EFNA5: variants seen among roughly 807,000 people sequenced by gnomAD.
The protein encoded by EFNA5 is ephrin A5.
In EFNA5, 5 loss-of-function variants were observed where a neutral mutation model predicts 22.9. The observed-to-expected ratio is 0.22, with a 90% CI of 0.11 to 0.46. EFNA5 has a LOEUF of 0.46. Ranked by LOEUF, EFNA5 falls within the 20% of genes least tolerant of loss-of-function variation. The pLI is 0.99. For missense variants in EFNA5, 237 were observed against 293.3 expected (o/e 0.81, Z 1.40); for synonymous variants, 113 against 112.2 (o/e 1.01, Z -0.04).
chr5:107,382,239 G>A (rs2112483134), intron 4 of EFNA5, among the ~76,000 whole-genome samples: 1 of 152,290 alleles, frequency 6.6e-6, no homozygotes, highest in South Asian at 2.1e-4. Flanking sequence ...ACTTCCAAAT[G>A]GGAACTCTGA....
intron 1 of EFNA5, among the ~76,000 whole-genome samples, chr5:107,556,991 T>C (rs1748435475): frequency 6.6e-6 from 1 of 151,944 alleles, no homozygotes; most frequent in African/African-American, 2.4e-5. Context: ...TGACCCGGTA[T>C]GTGGCAGACT....
intron 1 of EFNA5, among the ~76,000 whole-genome samples, chr5:107,581,814 A>G (rs756720830): frequency 5.9e-5 from 9 of 152,226 alleles, no homozygotes; most frequent in Non-Finnish European, 1.2e-4. Context: ...GCTGTCCTGA[A>G]GCCTCATGAG....
At chr5:107,620,297 T>C (rs1358720875) in intron 1 of EFNA5, among the ~76,000 whole-genome samples, 3 of 152,218 alleles carry the variant, frequency 2.0e-5, no homozygotes, top group African/African-American at 7.2e-5. Context: ...CACCACCAAT[T>C]CAGCAGCAAT....
intron 1 of EFNA5, among the ~76,000 whole-genome samples, chr5:107,440,176 A>G (rs931445338): frequency 1.3e-5 from 2 of 152,192 alleles, no homozygotes; most frequent in African/African-American, 4.8e-5. Context: ...AAAAAATGAG[A>G]AACTAATTGC....
intron 2 of EFNA5, 40 bp downstream of exon 2, chr5:107,427,177 T>C: frequency 6.2e-7 from 1 of 1,611,602 alleles, no homozygotes; most frequent in Non-Finnish European, 8.5e-7. Flanking sequence ...TCTGGGTTCT[T>C]GCAGCTGCCC....
intron 1 of EFNA5, among the ~76,000 whole-genome samples, chr5:107,618,782 G>T (rs1300649441): frequency 6.6e-6 from 1 of 152,174 alleles, no homozygotes; most frequent in African/African-American, 2.4e-5. Flanking sequence ...CACAACTTGG[G>T]AAAGTGTCCA....
chr5:107,552,560 C>A (rs1580526659), intron 1 of EFNA5, among the ~76,000 whole-genome samples: 1 of 152,172 alleles, frequency 6.6e-6, no homozygotes, highest in Non-Finnish European at 1.5e-5. Context: ...CATTAGTGAA[C>A]AACATCTGGT....
In EFNA5 at chr5:107,628,290, C is replaced by T. The variant is rs532626442; in HGVS notation, c.125+42199G>A. 2.6e-5 allele frequency among the ~76,000 whole-genome samples: 4 copies of T among 152,250 alleles called. No individual in the cohort carries two copies. The South Asian group carries it at 6.2e-4, about 24-fold the overall frequency. On this transcript the variant is annotated intron_variant, in intron 1 of 4. Coordinates refer to ENST00000333274, the MANE Select transcript of EFNA5 (RefSeq NM_001962.3). ...TAAGAAGTCTCATATGAATCAAATG[C>T]TCTATATTACCAGCACCTGGAGAAC...
intron 1 of EFNA5, among the ~76,000 whole-genome samples, chr5:107,521,456 CTA>C (rs56039409): frequency 0.47 from 58,235 of 123,880 alleles, 14,722 homozygotes; most frequent in East Asian, 0.74. Flanking sequence ...CCACACCTGG[CTA>C]TATATATATA....
intron 1 of EFNA5, among the ~76,000 whole-genome samples, chr5:107,489,197 G>A (rs1746730263): frequency 6.6e-6 from 1 of 151,288 alleles, no homozygotes; most frequent in Non-Finnish European, 1.5e-5. Context: ...TTATTTAGAT[G>A]GAGTCTTGCT....
chr5:107,419,399 G>T (rs920293915), intron 2 of EFNA5, among the ~76,000 whole-genome samples: 1 of 152,102 alleles, frequency 6.6e-6, no homozygotes, highest in African/African-American at 2.4e-5. Flanking sequence ...AGTATACAAA[G>T]CGAATAGAAG....
chr5:107,532,152 G>A (rs1213892159), intron 1 of EFNA5, among the ~76,000 whole-genome samples: 1 of 152,194 alleles, frequency 6.6e-6, no homozygotes, highest in Non-Finnish European at 1.5e-5. Context: ...GGATGACTGG[G>A]GAGATGGGCA....
At chr5:107,558,276 GTTGT>G (rs1748466978) in intron 1 of EFNA5, among the ~76,000 whole-genome samples, 1 of 150,784 alleles carries the variant, frequency 6.6e-6, no homozygotes, top group African/African-American at 2.4e-5. Context: ...TTTTTTTTTT[GTTGT>G]TTATTTTTTG....
chr5:107,445,311 C>T (rs910128722), intron 1 of EFNA5, among the ~76,000 whole-genome samples: 6 of 152,178 alleles, frequency 3.9e-5, no homozygotes, highest in African/African-American at 1.2e-4. Context: ...GTGTGAGCCA[C>T]CACACCTGGC....
intron 1 of EFNA5, among the ~76,000 whole-genome samples, chr5:107,504,388 ATATGT>A (rs1286161133): frequency 6.6e-6 from 1 of 152,140 alleles, no homozygotes; most frequent in African/African-American, 2.4e-5. Flanking sequence ...ATTTTTAGTG[ATATGT>A]TATATATATA....
At chr5:107,519,677 G>A (rs1280861619) in intron 1 of EFNA5, among the ~76,000 whole-genome samples, 1 of 152,222 alleles carries the variant, frequency 6.6e-6, no homozygotes, top group Non-Finnish European at 1.5e-5. Context: ...AGCACACACT[G>A]CAGAAAATGT....
chr5:107,417,540 G>T (rs776882659), intron 2 of EFNA5, among the ~76,000 whole-genome samples: 3 of 152,098 alleles, frequency 2.0e-5, no homozygotes, highest in Non-Finnish European at 4.4e-5. Context: ...GGATACTCAT[G>T]AACTAAAATA....
intron 1 of EFNA5, among the ~76,000 whole-genome samples, chr5:107,505,320 C>CA (rs1747230477): frequency 1.3e-5 from 2 of 152,064 alleles, no homozygotes; most frequent in African/African-American, 2.4e-5. Flanking sequence ...ATTAATTTCA[C>CA]AAAAATTTCT....
intron 2 of EFNA5, among the ~76,000 whole-genome samples, chr5:107,393,927 T>C (rs1175137012): frequency 6.6e-6 from 1 of 152,132 alleles, no homozygotes; most frequent in African/African-American, 2.4e-5. Flanking sequence ...GGGAACAGAA[T>C]AGAGATTAAT....
Sources: allele counts gnomAD v4.1 joint callset (sites outside exome capture counted in the v4.1 genomes callset), GRCh38; gene constraint gnomAD v4.1.1; transcripts MANE v1.5; gene names NCBI Gene and HGNC (gene_info 2026-07-23, HGNC 2026-07-21).